The following TMEM222 variants were observed in gnomAD, a reference collection of about 807,000 sequenced individuals.
TMEM222 encodes the protein transmembrane protein 222.
TMEM222 carries 18 observed loss-of-function variants against 25.1 expected under a neutral mutation model. That is an observed-to-expected ratio of 0.72 (90% CI 0.50 to 1.06). The LOEUF (loss-of-function observed/expected upper bound fraction) is 1.06. Among genes scored for constraint, TMEM222 ranks in the 50% least tolerant of loss-of-function variants. The pLI is 0.00. For synonymous variants in TMEM222, 131 were observed against 117.9 expected, an observed-to-expected ratio of 1.11 and a Z score of -0.72; for missense variants, 296 against 293.7, an observed-to-expected ratio of 1.01 and a Z score of -0.06.
intron 3 of TMEM222, chr1:27,333,091 G>A (rs2014519644): frequency 3.0e-6 from 1 of 335,200 alleles, no homozygotes; most frequent in African/African-American, 2.2e-5. Flanking sequence ...CACTCACCCT[G>A]GCAAGCTGCC....
At chr1:27,334,765 A>T (rs1003513218) in intron 5 of TMEM222, 1 of 1,169,044 alleles carries the variant, frequency 8.6e-7, no homozygotes, top group African/African-American at 1.6e-5. Context: ...GTTAGTGCTG[A>T]TCTGGCCGCC....
chr1:27,332,627 A>T, intron 3 of TMEM222: 1 of 667,496 alleles, frequency 1.5e-6, no homozygotes, highest in Non-Finnish European at 2.8e-6. Context: ...TGCCCACCTC[A>T]GCTGTGGGCC....
chr1:27,335,302 TG>T, intron 5 of TMEM222, 76 bp from the exon 6 acceptor site: 1 of 1,437,812 alleles, frequency 7.0e-7, no homozygotes, highest in Non-Finnish European at 9.8e-7. Context: ...TTGGGGTCTG[TG>T]GGTGCTCAGG....
Position 27,335,433 on chromosome 1 carries a change from C to G in TMEM222, c.594C>G (p.Ile198Met). 1 of 1,614,226 alleles carries G rather than the reference C, an allele frequency of 6.2e-7. No homozygotes were observed. Among genetic ancestry groups the G allele is most frequent in the Non-Finnish European group, 8.5e-7 (1 of 1,180,030 alleles). The stretch of plus-strand genomic sequence containing the variant: ...CCTTCATCCTTCTCCTGGGCATCAT[C>G]CTCACCGTCAGCCTGGTCTTTAACC... ...WLPFILLLGI[I>M]LTVSLVFNLR Residue 198 changes from isoleucine (I) to methionine (M), a missense_variant, in exon 6 of 6, where the codon ATC becomes ATG. Ile to Met is a conservative substitution (Grantham distance 10). Transcript: ENST00000374076.
Position 27,335,484 on chromosome 1 carries a change from C to T in TMEM222, c.*18C>T. 6.2e-7 allele frequency: 1 copy of T among 1,612,550 alleles called. No individual in the cohort carries two copies. Among genetic ancestry groups the T allele is most frequent in the African/African-American group, 1.3e-5 (1 of 75,044 alleles). On this transcript the variant is annotated 3_prime_UTR_variant, in exon 6 of 6. Transcript: ENST00000374076. ...TCCGGTGATGGCTGCTCGGTGGCCCCACACCCACCAGGGTCCCGAGGAAAC... is the reference window on the plus strand; with the variant it reads ...TCCGGTGATGGCTGCTCGGTGGCCCTACACCCACCAGGGTCCCGAGGAAAC...
At chr1:27,330,934 C>T in intron 2 of TMEM222, 130 bp downstream of exon 2, 2 of 1,556,334 alleles carry the variant, frequency 1.3e-6, no homozygotes, top group Non-Finnish European at 1.7e-6. Context: ...TGGCCCTGGC[C>T]CTCTGCCCCT....
intron 1 of TMEM222, among the ~76,000 whole-genome samples, chr1:27,327,822 G>T (rs926222410): frequency 4.6e-5 from 7 of 152,248 alleles, no homozygotes; most frequent in African/African-American, 1.7e-4. Flanking sequence ...GCCCAGGCTG[G>T]TCTCAAATTC....
At chr1:27,330,591 C>G in intron 1 of TMEM222, 129 bp from the exon 2 acceptor site, 1 of 796,422 alleles carries the variant, frequency 1.3e-6, no homozygotes, top group Non-Finnish European at 2.1e-6. Flanking sequence ...TCTGGACCAC[C>G]CTAATGGCCA....
At chr1:27,331,953 GC>G (rs993550377) in intron 2 of TMEM222, 116 bp from the exon 3 acceptor site, 23 of 1,080,454 alleles carry the variant, frequency 2.1e-5, no homozygotes, top group East Asian at 7.1e-5. Context: ...CCCACTTCTG[GC>G]CCCCCCACCC....
At position 27,322,250 on chromosome 1, in the gene TMEM222, CG is replaced by C; in HGVS notation, c.54del (p.Arg20GlyfsTer15). 6.7e-7 allele frequency: 1 copy of C among 1,500,276 alleles called. No individual in the cohort carries two copies. The highest frequency in any genetic ancestry group is 8.9e-7 in the Non-Finnish European group (1 of 1,120,472). The allele number at this position is 1,500,276 out of a possible 1,614,324, so 92.9% of individuals were successfully genotyped here. A position where few individuals can be genotyped will look rare whatever the true frequency, so the allele number is the denominator to read the frequency against. ...CTCTTGTTGCCGCCGCCGCCACCCC[CG>C]CCCAGGATGGCGGAAGTGGAGGCGC... ...SLLLLPPPPP[P>X]PRMAEVEAPT... On this transcript the variant is annotated frameshift_variant, in exon 1 of 6. Transcript: ENST00000374076. LOFTEE classifies it high-confidence loss of function.
intron 1 of TMEM222, among the ~76,000 whole-genome samples, chr1:27,324,883 C>T (rs536859200): frequency 6.6e-6 from 1 of 152,182 alleles, no homozygotes; most frequent in South Asian, 2.1e-4. Context: ...GAGAACAGCA[C>T]CAAAGGGATG....
chr1:27,335,103 A>G (rs1349642411), intron 5 of TMEM222: 1 of 526,994 alleles, frequency 1.9e-6, no homozygotes, highest in Non-Finnish European at 3.4e-6. Context: ...TGAGGCCTAG[A>G]AATGGGGAGC....
rs188697443 is a variant in TMEM222, at chr1:27,327,175, T to C, written c.195-3545T>C. ...TATTGAACACCTCGAGATGACAACA[T>C]TGAGCAGCTGCCAAGCGGAAGGCAG... On this transcript the variant is annotated intron_variant, in intron 1 of 5. Coordinates refer to ENST00000374076, the MANE Select transcript of TMEM222 (RefSeq NM_032125.3). Among the ~76,000 whole-genome samples the C allele has an allele frequency of 2.9e-3, 447 of 152,234 alleles. 2 individuals carry two copies. Among genetic ancestry groups the C allele is most frequent in the Non-Finnish European group, 2.8e-3 (191 of 68,008 alleles).
At chr1:27,323,357 G>A (rs542191710) in intron 1 of TMEM222, among the ~76,000 whole-genome samples, 1 of 152,340 alleles carries the variant, frequency 6.6e-6, no homozygotes. Flanking sequence ...GTGGAGAAGG[G>A]ATCATTTGGG....
rs1396434527 is a variant in TMEM222, at chr1:27,332,282, G to A, written c.311+181G>A. ...CCCATACAGAGTGTGTACCGCACCA[G>A]CCCCTGGCTAGGGCCTTTACCTGTA... On this transcript the variant is annotated intron_variant, in intron 3 of 5. Transcript: ENST00000374076. 4 of 726,830 alleles carry A rather than the reference G, an allele frequency of 5.5e-6. No individual in the cohort carries two copies. In the East Asian group the frequency reaches 1.1e-4, roughly 19 times the overall value. The allele number at this position is 726,830 out of a possible 1,614,324, so 45.0% of individuals were successfully genotyped here.
intron 1 of TMEM222, among the ~76,000 whole-genome samples, chr1:27,324,788 A>C (rs1314941221): frequency 1.3e-5 from 2 of 152,162 alleles, no homozygotes; most frequent in Non-Finnish European, 2.9e-5. Flanking sequence ...GGCATCTCAC[A>C]TGGCGGGATT....
intron 5 of TMEM222, 71 bp downstream of exon 5, chr1:27,334,352 C>G: frequency 1.9e-6 from 3 of 1,600,260 alleles, no homozygotes; most frequent in Non-Finnish European, 2.6e-6. Flanking sequence ...CTAGAAAGAC[C>G]ATTCCTAGCG....
chr1:27,334,468 T>G (rs2014557862), intron 5 of TMEM222, 187 bp downstream of exon 5: 1 of 1,260,560 alleles, frequency 7.9e-7, no homozygotes, highest in African/African-American at 1.5e-5. Flanking sequence ...TGTGCTGAAG[T>G]CCAGCTCCAC....
chr1:27,323,766 C>G (rs933230779), intron 1 of TMEM222, among the ~76,000 whole-genome samples: 1 of 152,202 alleles, frequency 6.6e-6, no homozygotes, highest in Non-Finnish European at 1.5e-5. Context: ...CAGTGAAACT[C>G]CGTCTCAAAA....
Sources: gnomAD v4.1 joint callset for allele counts (sites outside exome capture counted in the v4.1 genomes callset) on GRCh38, gnomAD v4.1.1 for gene constraint, MANE v1.5 for transcripts, NCBI Gene and HGNC (gene_info 2026-07-23, HGNC 2026-07-21) for gene names.